RNF212B: variants seen among roughly 807,000 people sequenced by gnomAD.
RNF212B encodes ring finger protein 212B.
In RNF212B, 52 loss-of-function variants were observed where a neutral mutation model predicts 55.5. That is an observed-to-expected ratio of 0.94 (90% confidence interval 0.75 to 1.18). The LOEUF (loss-of-function observed/expected upper bound fraction) is 1.18, where lower values mean the gene tolerates loss of function less well. Among genes scored for constraint, RNF212B ranks in the 50% most tolerant of loss-of-function variants. RNF212B has a pLI of 0.00. For missense variants in RNF212B, 289 were observed against 350.4 expected (o/e 0.82, Z 1.40); for synonymous variants, 99 against 121.4 (o/e 0.82, Z 1.21).
At chr14:23,201,405 T>G (rs151251283) in intron 2 of RNF212B, among the ~76,000 whole-genome samples, 10 of 152,326 alleles carry the variant, frequency 6.6e-5, no homozygotes, top group African/African-American at 2.4e-4. Flanking sequence ...TAATTTTAAC[T>G]TAACATAACA....
intron 7 of RNF212B, among the ~76,000 whole-genome samples, chr14:23,261,936 C>A (rs1046280550): frequency 3.6e-4 from 55 of 152,114 alleles, no homozygotes; most frequent in African/African-American, 1.3e-3. Context: ...CCACTGCACT[C>A]CAGCCTGGGT....
Position 23,225,982 on chromosome 14 carries a change from C to G in RNF212B, c.-1-14363C>G, listed in dbSNP as rs181477998. On this transcript the variant is annotated intron_variant, in intron 2 of 15. Coordinates refer to the RNF212B transcript ENST00000399910. ...AGTATACACACCAAGTATGTACCCA[C>G]AAAAATGAAAAATTTTTTAAAAAAT... 1.3e-3 allele frequency among the ~76,000 whole-genome samples: 198 copies of G among 152,052 alleles called. 1 individual carries two copies. The East Asian group carries it at 0.035, about 27-fold the overall frequency.
chr14:23,243,566 C>T (rs1007669023), intron 3 of RNF212B, among the ~76,000 whole-genome samples: 20 of 151,086 alleles, frequency 1.3e-4, no homozygotes, highest in African/African-American at 3.7e-4. Context: ...CGTGGTGGTG[C>T]GGGCCTGTAG....
chr14:23,251,814 C>A (rs1009198054), intron 4 of RNF212B, among the ~76,000 whole-genome samples: 45 of 136,390 alleles, frequency 3.3e-4, no homozygotes, highest in African/African-American at 3.4e-4. Context: ...GACTCTGTCT[C>A]AAAAAAAAAA....
intron 2 of RNF212B, among the ~76,000 whole-genome samples, chr14:23,215,315 T>C (rs567093894): frequency 4.7e-4 from 71 of 152,302 alleles, no homozygotes; most frequent in African/African-American, 1.6e-3. Context: ...CTTTTCTTTA[T>C]AAATTTCCCA....
chr14:23,211,689 T>A (rs1880535339), intron 2 of RNF212B, among the ~76,000 whole-genome samples: 1 of 152,216 alleles, frequency 6.6e-6, no homozygotes, highest in Non-Finnish European at 1.5e-5. Context: ...AAAAACAATG[T>A]AATTCACCAT....
chr14:23,248,115 T>A (rs1057399161), intron 4 of RNF212B, among the ~76,000 whole-genome samples: 1 of 152,048 alleles, frequency 6.6e-6, no homozygotes, highest in Non-Finnish European at 1.5e-5. Flanking sequence ...AGCCTCTTTT[T>A]ATTTAGTTTT....
At chr14:23,260,037 T>C in intron 6 of RNF212B, 93 bp downstream of exon 6, 1 of 616,362 alleles carries the variant, frequency 1.6e-6, no homozygotes, top group Non-Finnish European at 2.7e-6. Context: ...CTAATCTTTT[T>C]CTCATCATGG....
intron 1 of RNF212B, among the ~76,000 whole-genome samples, chr14:23,187,012 CCCA>C (rs1324149722): frequency 6.6e-6 from 1 of 152,190 alleles, no homozygotes; most frequent in Non-Finnish European, 1.5e-5. Flanking sequence ...CTCAGTGAGA[CCCA>C]CAGGACTTCA....
chr14:23,270,029 T>A lies in RNF212B; in HGVS notation c.772+69T>A, dbSNP rs943897918. ...GACACATATACTAAAATGAAGATTT[T>A]CAAGATGACAAGATGTTGAGGTTTG... On this transcript the variant is annotated intron_variant, in intron 13 of 14. Transcript: ENST00000430154. 4 of 898,860 alleles carry A rather than the reference T, an allele frequency of 4.5e-6. No homozygotes were observed. In the African/African-American group the frequency reaches 5.0e-5, roughly 11 times the overall value. The allele number at this position is 898,860 out of a possible 1,614,324, so 55.7% of individuals were successfully genotyped here.
At chr14:23,187,852 A>G (rs552075909) in intron 1 of RNF212B, among the ~76,000 whole-genome samples, 1 of 152,300 alleles carries the variant, frequency 6.6e-6, no homozygotes, top group Non-Finnish European at 1.5e-5. Context: ...GGTCGATTAG[A>G]TGGGGCCTTC....
intron 2 of RNF212B, among the ~76,000 whole-genome samples, chr14:23,242,469 G>A (rs1434189837): frequency 6.6e-6 from 1 of 152,350 alleles, no homozygotes; most frequent in Non-Finnish European, 1.5e-5. Context: ...TTAGCAAAGT[G>A]ATGACAAGGT....
intron 2 of RNF212B, among the ~76,000 whole-genome samples, chr14:23,222,841 T>C (rs1262114445): frequency 6.6e-6 from 1 of 151,926 alleles, no homozygotes; most frequent in Non-Finnish European, 1.5e-5. Flanking sequence ...TCATCTGAGG[T>C]CAGGAGTTCG....
intron 4 of RNF212B, among the ~76,000 whole-genome samples, chr14:23,257,973 C>T (rs1211097904): frequency 6.6e-6 from 1 of 152,168 alleles, no homozygotes; most frequent in African/African-American, 2.4e-5. Flanking sequence ...TAAAAAAAAT[C>T]TCTCTTCTTG....
At chr14:23,235,235 C>A (rs1468152452), upstream of RNF212B, among the ~76,000 whole-genome samples, 1 of 151,242 alleles carries the variant, frequency 6.6e-6, no homozygotes, top group East Asian at 1.9e-4. Context: ...AATAGCCAGG[C>A]AAGGTGGAGG....
intron 1 of RNF212B, 133 bp from the exon 2 acceptor site, chr14:23,240,212 G>A (rs1004330684): frequency 9.9e-6 from 6 of 609,004 alleles, no homozygotes; most frequent in African/African-American, 1.9e-5. Context: ...CAACCAATTG[G>A]AATACCCACA....
At chr14:23,267,588 C>T (rs8007396) in intron 11 of RNF212B, among the ~76,000 whole-genome samples, 42,147 of 151,900 alleles carry the variant, frequency 0.28, 5,884 homozygotes, top group Non-Finnish European at 0.3. Flanking sequence ...GCCACCACGC[C>T]TAGCTAATTT....
chr14:23,254,299 A>C lies in RNF212B; in HGVS notation c.229-4250A>C, dbSNP rs573781448. On this transcript the variant is annotated intron_variant, in intron 4 of 14. Coordinates refer to ENST00000430154, the MANE Select transcript of RNF212B (RefSeq NM_001282322.3). The stretch of plus-strand genomic sequence containing the variant: ...TACTCTTTATCTCAAAAACAAAACA[A>C]AACAAAACAAAACAAAACAAAAAAA... Among the ~76,000 whole-genome samples the C allele has an allele frequency of 2.5e-3, 368 of 149,498 alleles. 5 individuals are homozygous for C. Among genetic ancestry groups the C allele is most frequent in the African/African-American group, 8.5e-3 (350 of 41,002 alleles).
At chr14:23,215,761 G>A (rs911073589) in intron 2 of RNF212B, among the ~76,000 whole-genome samples, 19 of 152,058 alleles carry the variant, frequency 1.2e-4, no homozygotes, top group Non-Finnish European at 1.5e-4. Context: ...AATGATAAAC[G>A]AAAGACACAT....
Sources: allele counts gnomAD v4.1 joint callset (sites outside exome capture counted in the v4.1 genomes callset), GRCh38; gene constraint gnomAD v4.1.1; transcripts MANE v1.5; gene names NCBI Gene and HGNC (gene_info 2026-07-23, HGNC 2026-07-21).